Variants in UBE2T observed in about 807,000 individuals in gnomAD.
UBE2T encodes the protein ubiquitin-conjugating enzyme E2 T.
Under a neutral mutation model 23.3 loss-of-function variants are expected in UBE2T, and 15 were observed. The observed-to-expected ratio is 0.64, with a 90% CI of 0.43 to 0.99. The LOEUF (loss-of-function observed/expected upper bound fraction) is 0.99. UBE2T is among the 50% of genes least tolerant of loss of function. The pLI is 0.00. For missense variants in UBE2T, 197 were observed against 234.9 expected (o/e 0.84, Z 1.05); for synonymous variants, 67 against 78.4 (o/e 0.85, Z 0.77).
rs374357947 is a variant in UBE2T, at chr1:202,333,403, T to C, written c.285+47A>G. On this transcript the variant is annotated intron_variant, in intron 4 of 6. Coordinates refer to ENST00000646651, the MANE Select transcript of UBE2T (RefSeq NM_014176.4). Reference sequence around the variant, plus strand: ...GATCCTCTAATTCAAGTTTAATAGATGAAGAAAACAGAATGCTGTAGAGTC... The same window carrying C: ...GATCCTCTAATTCAAGTTTAATAGACGAAGAAAACAGAATGCTGTAGAGTC... The C allele has an allele frequency of 5.8e-5, 94 of 1,613,084 alleles. No homozygotes were observed. The African/African-American group carries it at 1.1e-3, about 20-fold the overall frequency.
chr1:202,332,992 T>C lies in UBE2T; in HGVS notation c.468+18A>G. ...CTATATATACTTAATTAACTGACAA[T>C]AGTAGCAAACATTATACCTTTTGTT... On this transcript the variant is annotated intron_variant, in intron 6 of 6. Transcript: ENST00000646651. 6.6e-7 allele frequency: 1 copy of C among 1,522,092 alleles called. No individual in the cohort carries two copies. Among genetic ancestry groups the C allele is most frequent in the Non-Finnish European group, 9.0e-7 (1 of 1,115,590 alleles). The allele number at this position is 1,522,092 out of a possible 1,614,324, so 94.3% of individuals were successfully genotyped here.
chr1:202,335,205 A>G lies in UBE2T; in HGVS notation c.110-147T>C, dbSNP rs1418412018. Reference sequence around the variant, plus strand: ...CCAGGACTTTAACAAGTCCTCATGCAACACACCACAATGCTAATGTACTCA... The same window carrying G: ...CCAGGACTTTAACAAGTCCTCATGCGACACACCACAATGCTAATGTACTCA... On this transcript the variant is annotated intron_variant, in intron 2 of 6. Transcript: ENST00000646651. The surrounding 1 kb of genome is among the most constrained non-coding windows in gnomAD (Gnocchi z 4.0). The G allele has an allele frequency of 7.9e-6, 5 of 636,010 alleles. No homozygotes were observed. The highest frequency in any genetic ancestry group is 1.4e-5 in the Non-Finnish European group (5 of 366,878). The allele number at this position is 636,010 out of a possible 1,614,324, so 39.4% of individuals were successfully genotyped here.
chr1:202,331,758 A>T lies in UBE2T; in HGVS notation c.*77T>A, dbSNP rs543976858. 8.7e-4 allele frequency: 1,296 copies of T among 1,495,780 alleles called. No homozygotes were observed. Among genetic ancestry groups the T allele is most frequent in the South Asian group, 1.6e-3 (127 of 81,858 alleles). The allele number at this position is 1,495,780 out of a possible 1,614,324, so 92.7% of individuals were successfully genotyped here. A position where few individuals can be genotyped will look rare whatever the true frequency, so the allele number is the denominator to read the frequency against. On this transcript the variant is annotated 3_prime_UTR_variant, in exon 7 of 7. Transcript: ENST00000646651. ...AAAAATTATGTCATCAAATATATTT[A>T]AAAAAAAATTCAAGGTAGGCAACTT...
At position 202,333,650 on chromosome 1, in the gene UBE2T, T is replaced by C. The variant is rs1654818093; in HGVS notation, c.180-95A>G. The C allele has an allele frequency of 1.4e-5, 17 of 1,198,092 alleles. 1 individual carries two copies. Among genetic ancestry groups the C allele is most frequent in the Admixed American group, 5.0e-5 (2 of 39,842 alleles). 74.2% of individuals were successfully genotyped at this position (1,198,092 alleles called of 1,614,324 possible). A position where few individuals can be genotyped will look rare whatever the true frequency, so the allele number is the denominator to read the frequency against. On this transcript the variant is annotated intron_variant, in intron 3 of 6. Transcript: ENST00000646651. ...CTTGGTCACAATAATTTTGGTATTA[T>C]AGAAATGTCAGGGAGACTGCCTTTG... is the stretch of plus-strand genomic sequence containing the variant.
chr1:202,336,253 G>A lies in UBE2T; in HGVS notation c.-64-435C>T, dbSNP rs183482379. On this transcript the variant is annotated intron_variant, in intron 1 of 6. Transcript: ENST00000646651. ...TTTTTTTTTTTAGAGGCAGGGTCTT[G>A]CTCTGTCACCCAGGCTGGAGTGCAG... 1.3e-4 allele frequency among the ~76,000 whole-genome samples: 14 copies of A among 111,350 alleles called. No homozygotes were observed. The East Asian group carries it at 3.4e-3, about 27-fold the overall frequency. The allele number at this position is 111,350 out of a possible 152,430, so 73.0% of individuals were successfully genotyped here. A position where few individuals can be genotyped will look rare whatever the true frequency, so the allele number is the denominator to read the frequency against.
chr1:202,338,883 CAAA>C (rs1175610097), intron 1 of UBE2T, among the ~76,000 whole-genome samples: 1 of 112,738 alleles, frequency 8.9e-6, no homozygotes. Flanking sequence ...AAACAACAGC[CAAA>C]AAAAAAAAAG....
In UBE2T at chr1:202,341,577, C is replaced by CAAAAAAAAA. The variant is rs57598991; in HGVS notation, c.-65+309_-65+317dup. 4.4e-4 allele frequency among the ~76,000 whole-genome samples: 9 copies of CAAAAAAAAA among 20,310 alleles called. 1 individual carries two copies. Among genetic ancestry groups the CAAAAAAAAA allele is most frequent in the South Asian group, 3.6e-3 (1 of 276 alleles). 13.3% of individuals were successfully genotyped at this position (20,310 alleles called of 152,430 possible). ...TGGGCGACAGAGCGAGACTCCGTCT[C>CAAAAAAAAA]AAAAAAAAAAAAAAAAAAAAAAAAA... On this transcript the variant is annotated intron_variant, in intron 1 of 6. Transcript: ENST00000646651.
intron 1 of UBE2T, among the ~76,000 whole-genome samples, chr1:202,338,983 G>A (rs1379119263): frequency 6.0e-5 from 9 of 151,238 alleles, no homozygotes; most frequent in African/African-American, 2.2e-4. Flanking sequence ...ATGCTAATCA[G>A]TAAGACTGGC....
At chr1:202,332,059 G>C in intron 6 of UBE2T, 99 bp from the exon 7 acceptor site, 1 of 1,467,182 alleles carries the variant, frequency 6.8e-7, no homozygotes, top group Non-Finnish European at 9.2e-7. Context: ...CTTCTTTGTT[G>C]CAAGATTTAA....
Position 202,335,184 on chromosome 1 carries a change from G to A in UBE2T, c.110-126C>T. 1.3e-6 allele frequency: 1 copy of A among 749,390 alleles called. No homozygotes were observed. Among genetic ancestry groups the A allele is most frequent in the East Asian group, 2.7e-5 (1 of 37,036 alleles). 46.4% of individuals were successfully genotyped at this position (749,390 alleles called of 1,614,324 possible). A position where few individuals can be genotyped will look rare whatever the true frequency, so the allele number is the denominator to read the frequency against. ...GCCTAGGACAATAATTCTCTGCCAG[G>A]ACTTTAACAAGTCCTCATGCAACAC... On this transcript the variant is annotated intron_variant, in intron 2 of 6. Transcript: ENST00000646651. The surrounding 1 kb of genome is among the most constrained non-coding windows in gnomAD (Gnocchi z 4.0).
chr1:202,334,020 C>T (rs1654826496), intron 3 of UBE2T, among the ~76,000 whole-genome samples: 1 of 152,076 alleles, frequency 6.6e-6, no homozygotes. Context: ...GAGACACCGA[C>T]CTTGCAAAGT....
chr1:202,335,475 A>G lies in UBE2T; in HGVS notation c.109+171T>C, dbSNP rs1558101155. On this transcript the variant is annotated intron_variant, in intron 2 of 6. Transcript: ENST00000646651. The surrounding 1 kb of genome is among the most constrained non-coding windows in gnomAD (Gnocchi z 4.0). Reference sequence around the variant, plus strand: ...GGTATAATAAAAAGTCAAAGAAGCAAGAAATGTCAAGCAAACCTTTTATAA... The same window carrying G: ...GGTATAATAAAAAGTCAAAGAAGCAGGAAATGTCAAGCAAACCTTTTATAA... The G allele has an allele frequency of 1.6e-6, 1 of 637,762 alleles. No homozygotes were observed. Among genetic ancestry groups the G allele is most frequent in the Non-Finnish European group, 2.7e-6 (1 of 372,620 alleles). The allele number at this position is 637,762 out of a possible 1,614,324, so 39.5% of individuals were successfully genotyped here. A position where few individuals can be genotyped will look rare whatever the true frequency, so the allele number is the denominator to read the frequency against.
In UBE2T at chr1:202,335,536, C is replaced by CAT; in HGVS notation, c.109+109_109+110insAT. ...ATTTGGGTAGAAAGATGGTAGGGCA[C>CAT]TCTGACCTTATAACTGCTCCTTACT... On this transcript the variant is annotated intron_variant, in intron 2 of 6. Transcript: ENST00000646651. The surrounding 1 kb of genome is among the most constrained non-coding windows in gnomAD (Gnocchi z 4.0). 2.8e-6 allele frequency: 3 copies of CAT among 1,070,992 alleles called. No homozygotes were observed. Among genetic ancestry groups the CAT allele is most frequent in the Non-Finnish European group, 4.1e-6 (3 of 729,516 alleles). The allele number at this position is 1,070,992 out of a possible 1,614,324, so 66.3% of individuals were successfully genotyped here. A position where few individuals can be genotyped will look rare whatever the true frequency, so the allele number is the denominator to read the frequency against.
At chr1:202,339,077 CTTTT>C (rs35528865) in intron 1 of UBE2T, among the ~76,000 whole-genome samples, 1 of 107,848 alleles carries the variant, frequency 9.3e-6, no homozygotes, top group East Asian at 2.6e-4. Context: ...GTATTGCCTC[CTTTT>C]TTTTTTTTTT....
intron 3 of UBE2T, 101 bp downstream of exon 3, chr1:202,334,888 G>C (rs2148340329): frequency 9.0e-7 from 1 of 1,110,110 alleles, no homozygotes; most frequent in African/African-American, 1.6e-5. Flanking sequence ...ATAAGGCCAG[G>C]ATTAAAACCT....
At chr1:202,334,896 C>T in intron 3 of UBE2T, 93 bp downstream of exon 3, 2 of 1,193,818 alleles carry the variant, frequency 1.7e-6, no homozygotes, top group Non-Finnish European at 2.4e-6. Flanking sequence ...AGGATTAAAA[C>T]CTAGTCCTTT....
intron 6 of UBE2T, among the ~76,000 whole-genome samples, chr1:202,332,615 A>C (rs577763925): frequency 6.6e-6 from 1 of 152,116 alleles, no homozygotes; most frequent in East Asian, 1.9e-4. Flanking sequence ...CAAATCTAAA[A>C]AACATTATTT....
Position 202,335,082 on chromosome 1 carries a change from A to C in UBE2T, c.110-24T>G. Reference sequence around the variant, plus strand: ...TTCTTAAAAGAAAAAAGAAAGAAAAAGTTAAAAGGGAATCAGATCATTTGA... The same window carrying C: ...TTCTTAAAAGAAAAAAGAAAGAAAACGTTAAAAGGGAATCAGATCATTTGA... On this transcript the variant is annotated intron_variant, in intron 2 of 6. Coordinates refer to ENST00000646651, the MANE Select transcript of UBE2T (RefSeq NM_014176.4). The surrounding 1 kb of genome is among the most constrained non-coding windows in gnomAD (Gnocchi z 4.0). 6.3e-7 allele frequency: 1 copy of C among 1,578,690 alleles called. No individual in the cohort carries two copies. The highest frequency in any genetic ancestry group is 8.6e-7 in the Non-Finnish European group (1 of 1,156,076).
intron 1 of UBE2T, among the ~76,000 whole-genome samples, chr1:202,341,369 G>C (rs1055610052): frequency 1.3e-5 from 2 of 151,484 alleles, no homozygotes; most frequent in Non-Finnish European, 2.9e-5. Context: ...ACGAGGTCAG[G>C]AGATCGAGAC....
Sources: gnomAD v4.1 joint callset for allele counts (sites outside exome capture counted in the v4.1 genomes callset) on GRCh38, gnomAD v4.1.1 for gene constraint, Gnocchi (gnomAD v3.1) non-coding constraint, MANE v1.5 for transcripts, NCBI Gene and HGNC (gene_info 2026-07-23, HGNC 2026-07-21) for gene names.